The following LDLRAD4 variants were observed in gnomAD, a reference collection of about 807,000 sequenced individuals.
LDLRAD4 encodes low-density lipoprotein receptor class A domain-containing protein 4.
Under a neutral mutation model 17.0 loss-of-function variants are expected in LDLRAD4, and 5 were observed. That is an observed-to-expected ratio of 0.29 (90% CI 0.15 to 0.62). The LOEUF is 0.62. LDLRAD4 is among the 20% of genes least tolerant of loss of function. The pLI is 0.84. For synonymous variants in LDLRAD4, 168 were observed against 171.8 expected, an observed-to-expected ratio of 0.98 and a Z score of 0.17; for missense variants, 340 against 424.7, an observed-to-expected ratio of 0.80 and a Z score of 1.75.
chr18:13,339,066 A>G (rs556860066), intron 1 of LDLRAD4, among the ~76,000 whole-genome samples: 2 of 152,318 alleles, frequency 1.3e-5, no homozygotes, highest in East Asian at 1.9e-4. Context: ...GAGGCATCTG[A>G]TAGTTTTATT....
chr18:13,418,410 A>G (rs2089133424), intron 2 of LDLRAD4, among the ~76,000 whole-genome samples: 2 of 152,334 alleles, frequency 1.3e-5, no homozygotes, highest in African/African-American at 4.8e-5. Context: ...GCCTGAGGCA[A>G]GCCTCTTCCG....
At chr18:13,417,838 GTGT>G (rs2145801233) in intron 2 of LDLRAD4, among the ~76,000 whole-genome samples, 1 of 152,274 alleles carries the variant, frequency 6.6e-6, no homozygotes, top group African/African-American at 2.4e-5. Context: ...ATGTGTGTGT[GTGT>G]TGTGTGTGTG....
upstream of LDLRAD4, among the ~76,000 whole-genome samples, chr18:13,276,083 A>G (rs962834475): frequency 7.9e-5 from 12 of 152,250 alleles, no homozygotes; most frequent in African/African-American, 2.6e-4. Context: ...ATCTTGGCTC[A>G]CTGCAACCTC....
At chr18:13,239,475 T>C (rs906956719) in intron 1 of LDLRAD4, 2 of 152,242 alleles carry the variant, frequency 1.3e-5, no homozygotes, top group African/African-American at 4.8e-5. Context: ...TGGCACTCTT[T>C]TAAATTCTAA....
At chr18:13,319,714 A>G (rs766535510) in intron 1 of LDLRAD4, among the ~76,000 whole-genome samples, 1 of 152,214 alleles carries the variant, frequency 6.6e-6, no homozygotes, top group African/African-American at 2.4e-5. Flanking sequence ...CTATCAAAAA[A>G]TGATAAGGAA....
chr18:13,463,346 C>T (rs2092503449), intron 3 of LDLRAD4, among the ~76,000 whole-genome samples: 1 of 152,314 alleles, frequency 6.6e-6, no homozygotes, highest in Non-Finnish European at 1.5e-5. Flanking sequence ...GGTGTGCAGC[C>T]CCCTGAGCCT....
At chr18:13,563,452 G>A (rs1020700405) in intron 3 of LDLRAD4, among the ~76,000 whole-genome samples, 3 of 152,176 alleles carry the variant, frequency 2.0e-5, no homozygotes, top group African/African-American at 4.8e-5. Context: ...ACACAACAGC[G>A]ATTTTCCGGA....
At chr18:13,248,692 T>C (rs1413352594) in intron 1 of LDLRAD4, among the ~76,000 whole-genome samples, 1 of 152,228 alleles carries the variant, frequency 6.6e-6, no homozygotes, top group African/African-American at 2.4e-5. Context: ...TTGATACATA[T>C]GTGTCGTGAT....
chr18:13,534,921 C>T (rs1490836830), intron 3 of LDLRAD4, among the ~76,000 whole-genome samples: 1 of 152,194 alleles, frequency 6.6e-6, no homozygotes, highest in African/African-American at 2.4e-5. Flanking sequence ...ACAGTAGAAA[C>T]ATGCATTATG....
intron 1 of LDLRAD4, among the ~76,000 whole-genome samples, chr18:13,315,998 G>A (rs2867875): frequency 0.36 from 55,345 of 151,800 alleles, 10,824 homozygotes; most frequent in African/African-American, 0.5. Context: ...TGAGAGCCAC[G>A]GAGATGTGGA....
chr18:13,301,829 A>G (rs1163058675), intron 1 of LDLRAD4, among the ~76,000 whole-genome samples: 1 of 152,108 alleles, frequency 6.6e-6, no homozygotes, highest in African/African-American at 2.4e-5. Context: ...CTTTCTCTGC[A>G]GGGTCTGAGG....
intron 3 of LDLRAD4, chr18:13,611,063 C>T (rs146327520): frequency 6.0e-4 from 92 of 154,400 alleles, no homozygotes; most frequent in African/African-American, 2.0e-3. Flanking sequence ...GCCCCTGCCC[C>T]CAAAAATGAG....
At chr18:13,485,326 T>C (rs891180654) in intron 3 of LDLRAD4, among the ~76,000 whole-genome samples, 1 of 152,026 alleles carries the variant, frequency 6.6e-6, no homozygotes, top group African/African-American at 2.4e-5. Context: ...AAACACGGAG[T>C]TGGGAGCCAG....
At position 13,588,753 on chromosome 18, in the gene LDLRAD4, C is replaced by T. The variant is rs546320410; in HGVS notation, c.182-32364C>T. 3.0e-4 allele frequency among the ~76,000 whole-genome samples: 45 copies of T among 152,226 alleles called. No homozygotes were observed. The South Asian group carries it at 8.7e-3, about 29-fold the overall frequency. On this transcript the variant is annotated intron_variant, in intron 3 of 5. Transcript: ENST00000359446. ...CTGTCGACACAATCCACTCATGTCA[C>T]CGCTAGTTTCTTGAAACTATCTTGA... is the stretch of plus-strand genomic sequence containing the variant.
In LDLRAD4 at chr18:13,401,307, TG is replaced by T. The variant is rs372709970; in HGVS notation, c.40+13547del. 6.7e-4 allele frequency among the ~76,000 whole-genome samples: 102 copies of T among 152,164 alleles called. 4 individuals carry two copies. In the East Asian group the frequency reaches 0.016, roughly 24 times the overall value. On this transcript the variant is annotated intron_variant, in intron 2 of 5. Transcript: ENST00000359446. ...AGAAGCTGGGTAAGACTGTCAGTTT[TG>T]GCTAGGAATGTTTGCTATATATTTA...
intron 2 of LDLRAD4, among the ~76,000 whole-genome samples, chr18:13,428,894 A>G (rs2090133443): frequency 6.6e-6 from 1 of 152,200 alleles, no homozygotes; most frequent in Non-Finnish European, 1.5e-5. Context: ...TATACATTCC[A>G]CAAGGATATG....
intron 3 of LDLRAD4, chr18:13,488,608 G>A (rs2093288583): frequency 6.6e-6 from 1 of 152,276 alleles, no homozygotes; most frequent in African/African-American, 2.4e-5. Context: ...GGCGTTTTTA[G>A]TTGTAACAGA....
chr18:13,309,790 G>C (rs2047126462), intron 1 of LDLRAD4, among the ~76,000 whole-genome samples: 1 of 152,158 alleles, frequency 6.6e-6, no homozygotes, highest in Non-Finnish European at 1.5e-5. Flanking sequence ...TTCAGTGACT[G>C]TACCAAAGAC....
rs943280844 is a variant in LDLRAD4, at chr18:13,383,235, C to T, written c.-382-4106C>T. ...AAGTGTCTTCCTTCACTCATGTGTT[C>T]GCTCAGGAAATACGTATTTACTGGG... On this transcript the variant is annotated intron_variant, in intron 1 of 5. Transcript: ENST00000359446. Among the ~76,000 whole-genome samples, 8 of 152,318 alleles carry T rather than the reference C, an allele frequency of 5.3e-5. No individual in the cohort carries two copies. The South Asian group carries it at 8.3e-4, about 16-fold the overall frequency.
Sources: allele counts gnomAD v4.1 joint callset (sites outside exome capture counted in the v4.1 genomes callset), GRCh38; gene constraint gnomAD v4.1.1; transcripts MANE v1.5; gene names NCBI Gene and HGNC (gene_info 2026-07-23, HGNC 2026-07-21).